Variants in NCOA1 observed in about 807,000 individuals in gnomAD.
NCOA1 encodes nuclear receptor coactivator 1.
Under a neutral mutation model 150.9 loss-of-function variants are expected in NCOA1, and 35 were observed. The ratio of observed to expected loss-of-function variants is 0.23; its 90% CI spans 0.18 to 0.31. The LOEUF is 0.31. NCOA1 is among the 10% of genes least tolerant of loss of function. The pLI, the probability that NCOA1 is intolerant of heterozygous loss-of-function variation, is 1.00. For synonymous variants in NCOA1, 590 were observed against 630.0 expected, an observed-to-expected ratio of 0.94 and a Z score of 0.95; for missense variants, 1,491 against 1,749.3, an observed-to-expected ratio of 0.85 and a Z score of 2.63.
intron 3 of NCOA1, among the ~76,000 whole-genome samples, chr2:24,637,935 A>ATCTGCCCACCTCGGCCTCCCAAAGTGC (rs546493072): frequency 0.015 from 2,227 of 152,182 alleles, 25 homozygotes; most frequent in Non-Finnish European, 0.024. Flanking sequence ...AGCTCAAGTG[A>ATCTGCCCACCTCGGCCTCCCAAAGTGC]TCTGCCCACC....
At chr2:24,598,788 A>G (rs1392588012) in intron 3 of NCOA1, among the ~76,000 whole-genome samples, 2 of 152,142 alleles carry the variant, frequency 1.3e-5, no homozygotes, top group Non-Finnish European at 2.9e-5. Context: ...ATTATTTTAG[A>G]TTCAAGGGGC....
intron 1 of NCOA1, among the ~76,000 whole-genome samples, chr2:24,526,748 A>G (rs1311665966): frequency 6.6e-6 from 1 of 152,046 alleles, no homozygotes; most frequent in East Asian, 1.9e-4. Flanking sequence ...TGTTGTATAT[A>G]TTTAAGGTGT....
intron 1 of NCOA1, among the ~76,000 whole-genome samples, chr2:24,524,171 G>A (rs1467552630): frequency 6.6e-6 from 1 of 151,970 alleles, no homozygotes; most frequent in African/African-American, 2.4e-5. Flanking sequence ...ATTTGAGTAG[G>A]CAAATACATG....
intron 3 of NCOA1, among the ~76,000 whole-genome samples, chr2:24,592,758 C>A (rs919922670): frequency 2.6e-5 from 4 of 151,884 alleles, no homozygotes; most frequent in African/African-American, 9.7e-5. Context: ...TATAACAATT[C>A]TTTCATTAGG....
At chr2:24,659,879 G>A (rs569644725) in intron 5 of NCOA1, among the ~76,000 whole-genome samples, 1 of 152,078 alleles carries the variant, frequency 6.6e-6, no homozygotes, top group African/African-American at 2.4e-5. Flanking sequence ...ATGTCCCCTG[G>A]GGCCAGGGGA....
chr2:24,563,979 T>C (rs1335648282), intron 1 of NCOA1, among the ~76,000 whole-genome samples: 2 of 152,194 alleles, frequency 1.3e-5, no homozygotes, highest in Non-Finnish European at 2.9e-5. Flanking sequence ...CTACTGCTGC[T>C]GGGGTGACTT....
At chr2:24,727,294 C>T (rs1468723294) in intron 15 of NCOA1, among the ~76,000 whole-genome samples, 2 of 152,046 alleles carry the variant, frequency 1.3e-5, no homozygotes, top group Non-Finnish European at 2.9e-5. Context: ...TCATGTATTA[C>T]TTTAATTGAT....
chr2:24,687,879 A>AT (rs1376420731), intron 8 of NCOA1, among the ~76,000 whole-genome samples: 2 of 152,118 alleles, frequency 1.3e-5, no homozygotes, highest in East Asian at 3.9e-4. Flanking sequence ...CCCAATAGTT[A>AT]TTTTTTCTGA....
intron 3 of NCOA1, among the ~76,000 whole-genome samples, chr2:24,604,755 A>T: frequency 6.6e-6 from 1 of 152,198 alleles, no homozygotes; most frequent in Non-Finnish European, 1.5e-5. Flanking sequence ...TTGCTATCTT[A>T]TCATTTGTGT....
intron 6 of NCOA1, among the ~76,000 whole-genome samples, chr2:24,671,448 G>A (rs1671678585): frequency 6.6e-6 from 1 of 152,066 alleles, no homozygotes; most frequent in South Asian, 2.1e-4. Flanking sequence ...CTTGAATTTA[G>A]GAGTTTAGGG....
intron 1 of NCOA1, among the ~76,000 whole-genome samples, chr2:24,520,868 CTTG>C (rs930261683): frequency 4.0e-5 from 6 of 151,896 alleles, no homozygotes; most frequent in African/African-American, 1.5e-4. Context: ...TGATCTGGCC[CTTG>C]TTGTCTTTCT....
intron 13 of NCOA1, 130 bp downstream of exon 13, chr2:24,708,018 G>T (rs1248001676): frequency 3.4e-6 from 4 of 1,192,888 alleles, no homozygotes; most frequent in Non-Finnish European, 4.6e-6. Context: ...ATATTAAGAG[G>T]TTAGTATCAA....
intron 19 of NCOA1, among the ~76,000 whole-genome samples, chr2:24,747,327 C>CTTTT (rs148901218): frequency 1.1e-4 from 13 of 120,168 alleles, no homozygotes; most frequent in African/African-American, 4.1e-4. Context: ...TTATTTTTCT[C>CTTTT]TTTTTTTTTT....
intron 6 of NCOA1, among the ~76,000 whole-genome samples, chr2:24,668,280 C>G (rs1313598311): frequency 1.3e-5 from 2 of 152,036 alleles, no homozygotes; most frequent in Non-Finnish European, 2.9e-5. Context: ...AAATAATGTT[C>G]TCAGAACTAG....
At position 24,535,860 on chromosome 2, in the gene NCOA1, T is replaced by G. The variant is rs1458759553; in HGVS notation, c.-395-28435T>G. Among the ~76,000 whole-genome samples the G allele has an allele frequency of 2.0e-5, 3 of 152,194 alleles. 1 individual carries two copies. Among genetic ancestry groups the G allele is most frequent in the Admixed American group, 2.0e-4 (3 of 15,282 alleles). ...GCTTCCCTTTGTGGGTAGCCCGACCTTTCTCTTTGACTGCCCTTAACACTT... is the reference window on the plus strand; with the variant it reads ...GCTTCCCTTTGTGGGTAGCCCGACCGTTCTCTTTGACTGCCCTTAACACTT... On this transcript the variant is annotated intron_variant, in intron 1 of 22. Transcript: ENST00000348332.
In NCOA1 at chr2:24,722,707, C is replaced by G. The variant is rs368835953; in HGVS notation, c.2600-3882C>G. On this transcript the variant is annotated intron_variant, in intron 14 of 22. Coordinates refer to ENST00000348332, the MANE Select transcript of NCOA1 (RefSeq NM_003743.5). ...ATTTTTTTTTAATCTTATTAATTCA[C>G]AGTAAATCAAAAATATTGTATAACT... Among the ~76,000 whole-genome samples, 3 of 151,836 alleles carry G rather than the reference C, an allele frequency of 2.0e-5. No individual in the cohort carries two copies. The East Asian group carries it at 5.8e-4, about 29-fold the overall frequency.
At chr2:24,630,904 T>C (rs568936878) in intron 3 of NCOA1, among the ~76,000 whole-genome samples, 7 of 152,338 alleles carry the variant, frequency 4.6e-5, no homozygotes, top group South Asian at 2.1e-4. Flanking sequence ...TTTATACATG[T>C]ATCGAATATT....
At chr2:24,766,690 G>A (rs1665081812) in intron 22 of NCOA1, among the ~76,000 whole-genome samples, 1 of 152,068 alleles carries the variant, frequency 6.6e-6, no homozygotes, top group East Asian at 1.9e-4. Context: ...AGAACAAGAA[G>A]AGAAGAGAGG....
chr2:24,662,231 T>G (rs926539619), intron 5 of NCOA1, among the ~76,000 whole-genome samples: 1 of 152,228 alleles, frequency 6.6e-6, no homozygotes, highest in African/African-American at 2.4e-5. Context: ...TAGGAGTTTC[T>G]CAGCAACTGT....
Sources: gnomAD v4.1 joint callset for allele counts (sites outside exome capture counted in the v4.1 genomes callset) on GRCh38, gnomAD v4.1.1 for gene constraint, MANE v1.5 for transcripts, NCBI Gene and HGNC (gene_info 2026-07-23, HGNC 2026-07-21) for gene names.